The following UBAP1 variants were observed in gnomAD, a reference collection of about 807,000 sequenced individuals.
The protein encoded by UBAP1 is ubiquitin associated protein 1, also known as ubiquitin-associated protein 1.
A neutral mutation model predicts 39.0 loss-of-function variants in UBAP1; 5 were observed. The observed-to-expected ratio is 0.13, with a 90% confidence interval of 0.07 to 0.27. The LOEUF is 0.27. Ranked by LOEUF, UBAP1 falls within the 10% of genes least tolerant of loss-of-function variation. The pLI is 1.00. For missense variants in UBAP1, 490 were observed against 608.1 expected (o/e 0.81, Z 2.04); for synonymous variants, 211 against 225.1 (o/e 0.94, Z 0.56).
intron 1 of UBAP1, among the ~76,000 whole-genome samples, chr9:34,182,489 C>A (rs1217812807): frequency 6.6e-6 from 1 of 151,980 alleles, no homozygotes; most frequent in Admixed American, 6.6e-5. Context: ...CCAGATGGAT[C>A]CCTGACGTTT....
At chr9:34,219,708 C>CTCCCCTCCCT (rs1331213462) in intron 1 of UBAP1, among the ~76,000 whole-genome samples, 3 of 93,370 alleles carry the variant, frequency 3.2e-5, no homozygotes, top group African/African-American at 1.2e-4. Flanking sequence ...CTCCTCTCCT[C>CTCCCCTCCCT]TCCCCTCCCT....
At chr9:34,205,881 A>G (rs571726814) in intron 1 of UBAP1, among the ~76,000 whole-genome samples, 1 of 152,314 alleles carries the variant, frequency 6.6e-6, no homozygotes, top group East Asian at 1.9e-4. Flanking sequence ...AGTCCCAGCT[A>G]CTCAGGAGGC....
intron 2 of UBAP1, among the ~76,000 whole-genome samples, chr9:34,231,146 TG>T (rs1308981659): frequency 3.7e-4 from 55 of 148,412 alleles, no homozygotes; most frequent in Middle Eastern, 3.2e-3. Context: ...TGTGTGTGTG[TG>T]TGTGTGTGTG....
chr9:34,182,200 A>T (rs2777669), intron 1 of UBAP1, among the ~76,000 whole-genome samples: 45,529 of 100,406 alleles, frequency 0.45, 9,453 homozygotes, highest in East Asian at 0.87. Context: ...TTATTTATTT[A>T]TTGAGACTGA....
intron 2 of UBAP1, 37 bp from the exon 3 acceptor site, chr9:34,234,179 T>C: frequency 6.4e-7 from 1 of 1,573,686 alleles, no homozygotes; most frequent in Non-Finnish European, 8.6e-7. Context: ...ATAATGAAGT[T>C]CTTTGCTGAT....
intron 1 of UBAP1, among the ~76,000 whole-genome samples, chr9:34,188,013 ATTACT>A (rs1401147579): frequency 6.6e-6 from 1 of 151,520 alleles, no homozygotes; most frequent in Non-Finnish European, 1.5e-5. Flanking sequence ...AAGACTAGTG[ATTACT>A]TTGACTTTAG....
intron 1 of UBAP1, among the ~76,000 whole-genome samples, 192 bp downstream of exon 1, chr9:34,179,432 G>T (rs1203702527): frequency 6.6e-6 from 1 of 152,078 alleles, no homozygotes; most frequent in Non-Finnish European, 1.5e-5. Flanking sequence ...GGAGTGAGGG[G>T]ACCGGAGTTG....
chr9:34,238,399 G>C (rs1319072376), intron 3 of UBAP1, among the ~76,000 whole-genome samples: 1 of 152,130 alleles, frequency 6.6e-6, no homozygotes, highest in Admixed American at 6.6e-5. Flanking sequence ...GGCATTGCTG[G>C]GTCATAGTAA....
At chr9:34,235,941 G>A (rs529867236) in intron 3 of UBAP1, among the ~76,000 whole-genome samples, 5 of 149,562 alleles carry the variant, frequency 3.3e-5, no homozygotes, top group Admixed American at 2.7e-4. Context: ...TGTAACCTCC[G>A]CCTCCACCTC....
chr9:34,250,963 T>G, intron 6 of UBAP1: 1 of 581,774 alleles, frequency 1.7e-6, no homozygotes, highest in South Asian at 1.8e-5. Context: ...GTTGAAAACT[T>G]CAGAATCCCA....
chr9:34,229,895 G>A (rs1276916518), intron 2 of UBAP1, among the ~76,000 whole-genome samples: 3 of 151,636 alleles, frequency 2.0e-5, no homozygotes, highest in Non-Finnish European at 2.9e-5. Context: ...GGCTGGTCTC[G>A]AACTCCTGAC....
At chr9:34,247,778 G>A (rs1834254234) in intron 4 of UBAP1, among the ~76,000 whole-genome samples, 1 of 152,072 alleles carries the variant, frequency 6.6e-6, no homozygotes. Flanking sequence ...TTCATTATTT[G>A]CTAACCTAAC....
intron 2 of UBAP1, among the ~76,000 whole-genome samples, chr9:34,231,543 T>C (rs778932417): frequency 5.3e-5 from 8 of 151,816 alleles, no homozygotes; most frequent in Non-Finnish European, 1.0e-4. Context: ...CTTCATTCAT[T>C]GAACAAATTC....
At chr9:34,211,653 G>C (rs927386654) in intron 1 of UBAP1, among the ~76,000 whole-genome samples, 1 of 152,034 alleles carries the variant, frequency 6.6e-6, no homozygotes, top group African/African-American at 2.4e-5. Flanking sequence ...CCTTCGCAAG[G>C]TGTTTTTTAT....
intron 4 of UBAP1, among the ~76,000 whole-genome samples, 190 bp from the exon 5 acceptor site, chr9:34,249,589 C>G (rs887919364): frequency 6.6e-6 from 1 of 152,174 alleles, no homozygotes; most frequent in Non-Finnish European, 1.5e-5. Context: ...TCCCTCTCAG[C>G]TGGCACTCCC....
At chr9:34,184,454 AC>A (rs1830268180) in intron 1 of UBAP1, among the ~76,000 whole-genome samples, 1 of 149,624 alleles carries the variant, frequency 6.7e-6, no homozygotes, top group Non-Finnish European at 1.5e-5. Flanking sequence ...ACACGGTGAA[AC>A]CCTGTCTCTA....
chr9:34,181,537 A>G (rs1038996199), intron 1 of UBAP1, among the ~76,000 whole-genome samples: 1 of 151,190 alleles, frequency 6.6e-6, no homozygotes, highest in Non-Finnish European at 1.5e-5. Context: ...CGTTCACGCC[A>G]TTCTCCTGCC....
intron 1 of UBAP1, among the ~76,000 whole-genome samples, chr9:34,190,896 C>G (rs574836059): frequency 6.6e-6 from 1 of 151,064 alleles, no homozygotes; most frequent in African/African-American, 2.4e-5. Context: ...GATCCACCTG[C>G]CTCGGCCTCC....
Position 34,251,806 on chromosome 9 carries a change from C to G in UBAP1, c.*274C>G. On this transcript the variant is annotated 3_prime_UTR_variant, in exon 7 of 7. Coordinates refer to ENST00000297661, the MANE Select transcript of UBAP1 (RefSeq NM_016525.5). ...AAGTGTCCTTCCCACTTCAGCCCTC[C>G]GGAGAGACTACCCTAGTCTTTCTGG... 3.2e-6 allele frequency: 1 copy of G among 316,162 alleles called. No homozygotes were observed. The highest frequency in any genetic ancestry group is 6.0e-6 in the Non-Finnish European group (1 of 165,860). 19.6% of individuals were successfully genotyped at this position (316,162 alleles called of 1,614,324 possible).
Sources: allele counts gnomAD v4.1 joint callset (sites outside exome capture counted in the v4.1 genomes callset), GRCh38; gene constraint gnomAD v4.1.1; transcripts MANE v1.5; gene names NCBI Gene and HGNC (gene_info 2026-07-23, HGNC 2026-07-21).